ITPR1: variants seen among roughly 807,000 people sequenced by gnomAD.
ITPR1 encodes inositol 1,4,5-trisphosphate receptor type 1.
Under a neutral mutation model 318.4 loss-of-function variants are expected in ITPR1, and 96 were observed. The observed-to-expected ratio is 0.30, with a 90% confidence interval of 0.26 to 0.36. ITPR1 has a LOEUF of 0.36. Among genes scored for constraint, ITPR1 ranks in the 10% least tolerant of loss-of-function variants. The pLI is 1.00. For missense variants in ITPR1, 2,440 were observed against 3,460.2 expected (o/e 0.71, Z 7.40); for synonymous variants, 1,312 against 1,289.9 (o/e 1.02, Z -0.37).
intron 4 of ITPR1, among the ~76,000 whole-genome samples, chr3:4,590,120 T>A (rs1188044750): frequency 6.6e-6 from 1 of 151,322 alleles, no homozygotes; most frequent in Non-Finnish European, 1.5e-5. Context: ...CCTTCCTGTC[T>A]TACCAACTTA....
chr3:4,747,252 T>C (rs948019525), intron 44 of ITPR1, among the ~76,000 whole-genome samples: 3 of 152,224 alleles, frequency 2.0e-5, no homozygotes, highest in African/African-American at 7.2e-5. Context: ...CTCATCCATC[T>C]TCCTGGGGCG....
intron 4 of ITPR1, among the ~76,000 whole-genome samples, chr3:4,528,398 G>T (rs1271281476): frequency 6.6e-6 from 1 of 152,158 alleles, no homozygotes; most frequent in Non-Finnish European, 1.5e-5. Flanking sequence ...ACACAGGCAG[G>T]GTCTTGGGTC....
At chr3:4,732,974 T>C in intron 42 of ITPR1, 114 bp from the exon 43 acceptor site, 1 of 1,007,906 alleles carries the variant, frequency 9.9e-7, no homozygotes, top group South Asian at 1.4e-5. Context: ...ATTTATTCTT[T>C]CGCCAAGTGA....
chr3:4,628,552 G>T (rs1431984302), intron 5 of ITPR1, among the ~76,000 whole-genome samples: 3 of 152,184 alleles, frequency 2.0e-5, no homozygotes, highest in African/African-American at 4.8e-5. Flanking sequence ...ATGTTTAAAA[G>T]GAGACATGAC....
intron 60 of ITPR1, among the ~76,000 whole-genome samples, chr3:4,821,867 C>T (rs2106510802): frequency 6.6e-6 from 1 of 152,304 alleles, no homozygotes; most frequent in South Asian, 2.1e-4. Flanking sequence ...CTGCAACTAG[C>T]TGTTCACCCA....
chr3:4,617,790 C>T (rs1368339145), intron 4 of ITPR1, among the ~76,000 whole-genome samples: 1 of 151,318 alleles, frequency 6.6e-6, no homozygotes, highest in East Asian at 1.9e-4. Flanking sequence ...TTAAGACCAG[C>T]CTGGGCAACA....
intron 48 of ITPR1, among the ~76,000 whole-genome samples, chr3:4,778,222 A>AT (rs1575211699): frequency 6.6e-6 from 1 of 152,218 alleles, no homozygotes; most frequent in East Asian, 1.9e-4. Flanking sequence ...AGTTTTAACA[A>AT]TTGAGCTTGC....
chr3:4,774,585 T>C (rs938733453), intron 46 of ITPR1, among the ~76,000 whole-genome samples: 1 of 152,258 alleles, frequency 6.6e-6, no homozygotes, highest in East Asian at 1.9e-4. Context: ...TGTGGCTTTT[T>C]AAATTTTGTT....
In ITPR1 at chr3:4,521,653, G is replaced by A. The variant is rs365261; in HGVS notation, c.163+559G>A. On this transcript the variant is annotated intron_variant, in intron 4 of 61. Transcript: ENST00000649015. ...TTGCTAGAGCCTGGGAATTCTAGAC[G>A]AGTCTGGGAATTCTAGACCAGCCTG... 2.0e-5 allele frequency among the ~76,000 whole-genome samples: 3 copies of A among 152,136 alleles called. No homozygotes were observed. The East Asian group carries it at 5.8e-4, about 29-fold the overall frequency.
chr3:4,638,882 T>C (rs1405089335), intron 5 of ITPR1, among the ~76,000 whole-genome samples: 1 of 152,188 alleles, frequency 6.6e-6, no homozygotes, highest in Admixed American at 6.5e-5. Context: ...GTGGAGTTCA[T>C]GTGAGGTGCA....
At chr3:4,799,272 C>T (rs576213488) in intron 53 of ITPR1, among the ~76,000 whole-genome samples, 8 of 152,202 alleles carry the variant, frequency 5.3e-5, no homozygotes, top group Admixed American at 1.3e-4. Flanking sequence ...TTGTTAAATG[C>T]GTAGAAAGCG....
intron 2 of ITPR1, among the ~76,000 whole-genome samples, chr3:4,502,451 T>C (rs547501354): frequency 6.6e-6 from 1 of 152,006 alleles, no homozygotes; most frequent in South Asian, 2.1e-4. Context: ...CTCTCCTTTT[T>C]TTTTTTTTGA....
chr3:4,523,103 A>C (rs914201974), intron 4 of ITPR1, among the ~76,000 whole-genome samples: 1 of 152,198 alleles, frequency 6.6e-6, no homozygotes, highest in Non-Finnish European at 1.5e-5. Context: ...TATTCAGGGA[A>C]GAGCTGATCT....
chr3:4,788,474 G>C (rs2047344843), intron 52 of ITPR1, among the ~76,000 whole-genome samples: 2 of 152,194 alleles, frequency 1.3e-5, no homozygotes, highest in South Asian at 4.1e-4. Flanking sequence ...AGCTCACAGG[G>C]TGGTTCACTT....
chr3:4,688,349 T>A, intron 30 of ITPR1, 146 bp from the exon 31 acceptor site: 3 of 868,120 alleles, frequency 3.5e-6, no homozygotes, highest in East Asian at 4.9e-5. Flanking sequence ...CTTTTCAGCG[T>A]CAGCAGTGCA....
chr3:4,845,063 A>G (rs190606866), intron 61 of ITPR1, among the ~76,000 whole-genome samples: 106 of 152,326 alleles, frequency 7.0e-4, no homozygotes, highest in African/African-American at 2.5e-3. Context: ...ATTCTCCACC[A>G]ATCAGCTAGG....
chr3:4,822,658 C>A, intron 60 of ITPR1, among the ~76,000 whole-genome samples: 1 of 152,108 alleles, frequency 6.6e-6, no homozygotes, highest in East Asian at 1.9e-4. Context: ...ATCATGAAAT[C>A]ATTCATGGTT....
chr3:4,660,917 A>T, intron 13 of ITPR1, 71 bp from the exon 14 acceptor site: 1 of 716,352 alleles, frequency 1.4e-6, no homozygotes, highest in Admixed American at 2.9e-5. Context: ...GATAGATTAT[A>T]TTCTAGACTA....
intron 49 of ITPR1, among the ~76,000 whole-genome samples, chr3:4,780,102 C>T (rs988636988): frequency 1.3e-5 from 2 of 152,006 alleles, no homozygotes; most frequent in African/African-American, 4.8e-5. Flanking sequence ...CTGAGCTGCA[C>T]TTTCCTGATC....
Sources: allele counts gnomAD v4.1 joint callset (sites outside exome capture counted in the v4.1 genomes callset), GRCh38; gene constraint gnomAD v4.1.1; transcripts MANE v1.5; gene names NCBI Gene and HGNC (gene_info 2026-07-23, HGNC 2026-07-21).